GET1: variants seen among roughly 807,000 people sequenced by gnomAD.
GET1 encodes congenital heart disease 5 protein.
GET1 carries 20 observed loss-of-function variants against 22.6 expected under a neutral mutation model. The ratio of observed to expected loss-of-function variants is 0.89; its 90% CI spans 0.62 to 1.29. GET1 has a LOEUF of 1.29. Among genes scored for constraint, GET1 ranks in the 50% most tolerant of loss-of-function variants. The pLI, the probability that GET1 is intolerant of heterozygous loss-of-function variation, is 0.00. For synonymous variants in GET1, 92 were observed against 83.8 expected, an observed-to-expected ratio of 1.10 and a Z score of -0.53; for missense variants, 209 against 219.9, an observed-to-expected ratio of 0.95 and a Z score of 0.31.
chr21:39,428,480 TCAGC>T, exon 2 of GET1: 1 of 1,602,476 alleles, frequency 6.2e-7, no homozygotes, highest in Non-Finnish European at 8.5e-7. Context: ...TTTTGTTAGA[TCAGC>T]CAAAGACATA....
chr21:39,413,541 G>C (rs115803683), intron 1 of GET1, among the ~76,000 whole-genome samples: 1,766 of 152,256 alleles, frequency 0.012, 34 homozygotes, highest in African/African-American at 0.04. Flanking sequence ...CATAAAATTA[G>C]TTTATTATCA....
intron 1 of GET1, among the ~76,000 whole-genome samples, chr21:39,412,316 G>T (rs892932001): frequency 1.3e-5 from 2 of 152,128 alleles, no homozygotes; most frequent in African/African-American, 4.8e-5. Flanking sequence ...CAAGGGCCGG[G>T]GGGGAAGCCT....
intron 1 of GET1, among the ~76,000 whole-genome samples, chr21:39,417,722 A>G (rs1180308012): frequency 6.6e-6 from 1 of 152,016 alleles, no homozygotes; most frequent in East Asian, 1.9e-4. Context: ...ACAACAGAGG[A>G]CTTGTGCAGG....
chr21:39,401,429 A>G (rs1358164664), downstream of GET1, among the ~76,000 whole-genome samples: 2 of 152,230 alleles, frequency 1.3e-5, no homozygotes, highest in East Asian at 3.8e-4. Context: ...AATTTTAAAG[A>G]ATAAAAATAC....
chr21:39,411,666 A>G, intron 1 of GET1: 1 of 907,798 alleles, frequency 1.1e-6, no homozygotes, highest in Non-Finnish European at 1.7e-6. Context: ...AATTAGGAAA[A>G]TCTGACTAGA....
chr21:39,410,371 TG>T, downstream of GET1: 1 of 1,500,180 alleles, frequency 6.7e-7, no homozygotes, highest in Non-Finnish European at 9.2e-7. Context: ...GAAGAAACTA[TG>T]GAACAGGTAG....
chr21:39,381,066 C>CG (rs763282352), intron 1 of GET1: 4 of 607,914 alleles, frequency 6.6e-6, no homozygotes, highest in African/African-American at 2.0e-5. Flanking sequence ...CTGGGAGAGG[C>CG]GAGTATTATC....
chr21:39,406,712 A>T, downstream of GET1: 1 of 876,500 alleles, frequency 1.1e-6, no homozygotes, highest in South Asian at 1.8e-5. Flanking sequence ...CCTCACAAGC[A>T]CACTGAAATG....
chr21:39,387,760 C>A (rs573044483), intron 1 of GET1: 2 of 985,364 alleles, frequency 2.0e-6, no homozygotes, highest in African/African-American at 1.8e-5. Flanking sequence ...TCAGAAACCA[C>A]GCGCATGCGC....
chr21:39,420,853 G>A (rs2042174114), intron 1 of GET1: 6 of 1,603,382 alleles, frequency 3.7e-6, no homozygotes, highest in South Asian at 3.3e-5. Context: ...TCTGAAAACA[G>A]TATATATTAT....
chr21:39,380,429 C>T lies in GET1; in HGVS notation c.45C>T (p.Leu15=), dbSNP rs536050361. The stretch of plus-strand genomic sequence containing the variant: ...ACCACTGGGCGTGGTTGCTGGTGCT[C>T]AGCTTCGTGTTTGGATGCAATGTTC... ...AADHWAWLLV[L]SFVFGCNVLR... is the part of the protein sequence containing the mutation. Residue 15 remains leucine (L), a synonymous_variant, in exon 1 of 5, where the codon CTC becomes CTT. Transcript: ENST00000649170. 5.1e-5 allele frequency: 83 copies of T among 1,612,938 alleles called. 2 individuals are homozygous for T. In the South Asian group the frequency reaches 8.7e-4, roughly 17 times the overall value.
At chr21:39,414,734 C>CTGTGTGTGTGTGTG (rs1446676855) in intron 1 of GET1, among the ~76,000 whole-genome samples, 33 of 103,242 alleles carry the variant, frequency 3.2e-4, no homozygotes, top group African/African-American at 1.3e-3. Flanking sequence ...CTCTCTCTCT[C>CTGTGTGTGTGTGTG]TCTCTCTCTG....
At chr21:39,420,951 AT>A in intron 1 of GET1, 1 of 797,468 alleles carries the variant, frequency 1.3e-6, no homozygotes, top group Non-Finnish European at 2.0e-6. Context: ...TTTCAATACA[AT>A]TTTAGTGAAT....
At chr21:39,406,346 G>C (rs1331457392) in exon 5 of GET1, 1 of 1,614,066 alleles carries the variant, frequency 6.2e-7, no homozygotes, top group African/African-American at 1.3e-5. Context: ...TGTCTGAGGG[G>C]GCCTTTCGTG....
At chr21:39,391,183 A>C in intron 2 of GET1, 1 of 229,140 alleles carries the variant, frequency 4.4e-6, no homozygotes, top group Non-Finnish European at 8.7e-6. Context: ...CCCAGAAAAA[A>C]AGTCTCACAG....
chr21:39,405,697 T>C (rs1445750296), intron 4 of GET1: 2 of 412,518 alleles, frequency 4.8e-6, no homozygotes, highest in Non-Finnish European at 8.5e-6. Flanking sequence ...AGTGTTATCA[T>C]TGGCTAATAT....
Position 39,397,121 on chromosome 21 carries a change from C to T in GET1, c.*182C>T, listed in dbSNP as rs2038707123. 1.5e-6 allele frequency: 1 copy of T among 651,664 alleles called. No individual in the cohort carries two copies. The highest frequency in any genetic ancestry group is 4.1e-4 in the Middle Eastern group (1 of 2,448). 40.4% of individuals were successfully genotyped at this position (651,664 alleles called of 1,614,324 possible). On this transcript the variant is annotated 3_prime_UTR_variant, in exon 5 of 5. Coordinates refer to ENST00000649170, the MANE Select transcript of GET1 (RefSeq NM_004627.6). ...TTATAAGAATCACGATTTTCTACAC[C>T]TGTCATTGAGCCAAGAAAGTCCAGT...
At chr21:39,385,728 G>T (rs768971930) in intron 1 of GET1, among the ~76,000 whole-genome samples, 3 of 151,306 alleles carry the variant, frequency 2.0e-5, no homozygotes, top group African/African-American at 7.3e-5. Context: ...CTCAAGGTCC[G>T]TGCAAACTGC....
chr21:39,403,282 A>C (rs964640893), intron 4 of GET1, among the ~76,000 whole-genome samples: 2 of 152,128 alleles, frequency 1.3e-5, no homozygotes, highest in African/African-American at 2.4e-5. Context: ...AAACGATCAA[A>C]GCATATGCCA....
Sources: gnomAD v4.1 joint callset for allele counts (sites outside exome capture counted in the v4.1 genomes callset) on GRCh38, gnomAD v4.1.1 for gene constraint, MANE v1.5 for transcripts, NCBI Gene and HGNC (gene_info 2026-07-23, HGNC 2026-07-21) for gene names.